The following SPAG16 variants were observed in gnomAD, a reference collection of about 807,000 sequenced individuals.
SPAG16 encodes sperm-associated antigen 16 protein.
A neutral mutation model predicts 80.4 loss-of-function variants in SPAG16; 86 were observed. The ratio of observed to expected loss-of-function variants is 1.07; its 90% CI spans 0.90 to 1.28. The LOEUF (loss-of-function observed/expected upper bound fraction) is 1.28. Among genes scored for constraint, SPAG16 ranks in the 50% most tolerant of loss-of-function variants. The pLI is 0.00. For synonymous variants in SPAG16, 294 were observed against 265.9 expected, an observed-to-expected ratio of 1.11 and a Z score of -1.03; for missense variants, 870 against 765.3, an observed-to-expected ratio of 1.14 and a Z score of -1.61.
chr2:214,360,115 G>A (rs1699088807), intron 15 of SPAG16, among the ~76,000 whole-genome samples: 1 of 151,742 alleles, frequency 6.6e-6, no homozygotes, highest in African/African-American at 2.4e-5. Context: ...TAATATTCTG[G>A]ACAGGATATA....
intron 8 of SPAG16, chr2:213,364,907 A>G (rs571378189): frequency 6.6e-6 from 1 of 152,366 alleles, no homozygotes; most frequent in South Asian, 2.1e-4. Context: ...CAACACAGTA[A>G]CATTCAGCAT....
At chr2:213,360,794 T>C (rs2065937951) in intron 7 of SPAG16, among the ~76,000 whole-genome samples, 1 of 152,206 alleles carries the variant, frequency 6.6e-6, no homozygotes, top group African/African-American at 2.4e-5. Flanking sequence ...TAATGTAAAA[T>C]AGAAGATAGG....
intron 15 of SPAG16, among the ~76,000 whole-genome samples, chr2:214,231,667 G>A (rs1408610873): frequency 1.3e-5 from 2 of 152,032 alleles, no homozygotes; most frequent in Admixed American, 6.6e-5. Flanking sequence ...GAGGTGATAG[G>A]ATAAGGAAAG....
chr2:214,397,395 TG>T (rs1701459791), intron 15 of SPAG16, among the ~76,000 whole-genome samples: 1 of 152,108 alleles, frequency 6.6e-6, no homozygotes, highest in Non-Finnish European at 1.5e-5. Context: ...CCGGACCTCG[TG>T]ATCTGCCCGC....
intron 13 of SPAG16, among the ~76,000 whole-genome samples, chr2:214,022,958 T>C (rs1177840932): frequency 6.6e-6 from 1 of 152,072 alleles, no homozygotes; most frequent in Non-Finnish European, 1.5e-5. Context: ...ATAGCCTTCC[T>C]TCTTTGCTAC....
At chr2:213,763,144 A>T (rs965434967) in intron 10 of SPAG16, among the ~76,000 whole-genome samples, 1 of 152,282 alleles carries the variant, frequency 6.6e-6, no homozygotes, top group South Asian at 2.1e-4. Flanking sequence ...AATTGTAAGG[A>T]TATAGAGAAA....
At chr2:213,692,777 T>C in intron 10 of SPAG16, among the ~76,000 whole-genome samples, 1 of 143,180 alleles carries the variant, frequency 7.0e-6, no homozygotes. Flanking sequence ...GCCACTGCAC[T>C]CCACCCTGGG....
intron 10 of SPAG16, among the ~76,000 whole-genome samples, chr2:213,815,790 T>A (rs2072495744): frequency 1.3e-5 from 2 of 152,140 alleles, no homozygotes; most frequent in South Asian, 4.1e-4. Context: ...ATTATACGTA[T>A]AACAATTATT....
intron 15 of SPAG16, among the ~76,000 whole-genome samples, chr2:214,236,544 C>T (rs1280151318): frequency 4.0e-5 from 6 of 151,568 alleles, no homozygotes; most frequent in Non-Finnish European, 5.9e-5. Context: ...CCCAGCTACT[C>T]GGGAGGCTGA....
intron 13 of SPAG16, among the ~76,000 whole-genome samples, chr2:214,021,826 A>G (rs997468393): frequency 1.3e-5 from 2 of 152,150 alleles, no homozygotes; most frequent in Admixed American, 6.6e-5. Context: ...CTAAATAAAC[A>G]TCTACTACCA....
intron 10 of SPAG16, among the ~76,000 whole-genome samples, chr2:213,598,559 G>A (rs1226634256): frequency 6.6e-6 from 1 of 152,162 alleles, no homozygotes; most frequent in African/African-American, 2.4e-5. Context: ...TGAGTTTTGA[G>A]CATTAAATGA....
intron 10 of SPAG16, among the ~76,000 whole-genome samples, chr2:213,683,055 T>C (rs1016581078): frequency 6.6e-6 from 1 of 152,198 alleles, no homozygotes; most frequent in African/African-American, 2.4e-5. Flanking sequence ...GTCCTAATAA[T>C]GAATTCACGT....
At chr2:213,860,378 T>A (rs1378478218) in intron 10 of SPAG16, among the ~76,000 whole-genome samples, 1 of 125,768 alleles carries the variant, frequency 8.0e-6, no homozygotes. Context: ...TGTGTGTGTA[T>A]ATCTATAAAT....
At chr2:213,293,074 G>T (rs1488984) in intron 1 of SPAG16, among the ~76,000 whole-genome samples, 32,777 of 152,028 alleles carry the variant, frequency 0.22, 4,380 homozygotes, top group Non-Finnish European at 0.31. Flanking sequence ...GGATCATAGG[G>T]CCAGTTTCCC....
chr2:214,143,030 G>A (rs1038077539), intron 14 of SPAG16, among the ~76,000 whole-genome samples: 1 of 151,902 alleles, frequency 6.6e-6, no homozygotes, highest in Non-Finnish European at 1.5e-5. Flanking sequence ...ACTCTTCAAG[G>A]CCTCATACTT....
At chr2:213,472,832 G>A (rs1190771981) in intron 9 of SPAG16, among the ~76,000 whole-genome samples, 1 of 152,228 alleles carries the variant, frequency 6.6e-6, no homozygotes, top group African/African-American at 2.4e-5. Context: ...CAGAGGCAGT[G>A]ACCATTAGTC....
intron 11 of SPAG16, among the ~76,000 whole-genome samples, chr2:213,919,395 C>A (rs1437486559): frequency 1.3e-5 from 2 of 152,114 alleles, no homozygotes; most frequent in African/African-American, 4.8e-5. Context: ...AAATTGAGAT[C>A]TTTCTAACTT....
Position 213,350,640 on chromosome 2 carries a change from G to C in SPAG16, c.757G>C (p.Gly253Arg). 6.4e-7 allele frequency: 1 copy of C among 1,571,350 alleles called. No homozygotes were observed. The highest frequency in any genetic ancestry group is 1.2e-5 in the South Asian group (1 of 84,288). ...CTCCTTGGAAAGAGACAAAGTAGTTGGGCAGGTAAAGATATAGTCAAAGCT... is the reference window on the plus strand; with the variant it reads ...CTCCTTGGAAAGAGACAAAGTAGTTCGGCAGGTAAAGATATAGTCAAAGCT... ...LTSLERDKVV[G>R]QISGLQETLK... The change falls in exon 7 of 16, where the codon GGG (glycine) becomes CGG (arginine). Residue 253 changes from glycine to arginine, a missense_variant. By Grantham distance (125) the Gly-to-Arg change is moderately radical. Transcript: ENST00000331683.
intron 15 of SPAG16, among the ~76,000 whole-genome samples, chr2:214,214,085 T>C (rs1447224187): frequency 6.6e-6 from 1 of 152,166 alleles, no homozygotes; most frequent in Non-Finnish European, 1.5e-5. Context: ...CATATCAATA[T>C]TTTTTTATTC....
Sources: gnomAD v4.1 joint callset for allele counts (sites outside exome capture counted in the v4.1 genomes callset) on GRCh38, gnomAD v4.1.1 for gene constraint, MANE v1.5 for transcripts, NCBI Gene and HGNC (gene_info 2026-07-23, HGNC 2026-07-21) for gene names.